Variants in PXDNL observed in about 807,000 individuals in gnomAD.
PXDNL encodes peroxidasin like.
In PXDNL, 145 loss-of-function variants were observed where a neutral mutation model predicts 150.8. The ratio of observed to expected loss-of-function variants is 0.96; its 90% CI spans 0.84 to 1.10. PXDNL has a LOEUF of 1.10. PXDNL is among the 50% of genes least tolerant of loss of function. PXDNL has a pLI of 0.00. For synonymous variants in PXDNL, 757 were observed against 725.7 expected (o/e 1.04, Z -0.69); for missense variants, 2,087 against 1,873.9 (o/e 1.11, Z -2.10).
At chr8:51,400,800 A>T (rs1416562315) in intron 17 of PXDNL, among the ~76,000 whole-genome samples, 1 of 152,218 alleles carries the variant, frequency 6.6e-6, no homozygotes, top group Non-Finnish European at 1.5e-5. Context: ...CCTTTGTACA[A>T]AAGATTATAA....
chr8:51,454,310 A>G (rs1809879157), intron 9 of PXDNL, among the ~76,000 whole-genome samples: 1 of 152,234 alleles, frequency 6.6e-6, no homozygotes, highest in Non-Finnish European at 1.5e-5. Context: ...AAGCAGAAAG[A>G]AGAATATTAT....
intron 1 of PXDNL, among the ~76,000 whole-genome samples, chr8:51,672,193 C>G (rs1242524929): frequency 6.6e-6 from 1 of 152,186 alleles, no homozygotes; most frequent in East Asian, 1.9e-4. Context: ...GTTGGCCAGG[C>G]TGGTCTCGAA....
At chr8:51,718,373 C>T (rs1394576291) in intron 1 of PXDNL, among the ~76,000 whole-genome samples, 8 of 152,026 alleles carry the variant, frequency 5.3e-5, no homozygotes, top group East Asian at 1.9e-4. Context: ...GAATGGGGAG[C>T]GCCAATGTCT....
chr8:51,453,478 G>A, intron 10 of PXDNL, 41 bp downstream of exon 10: 3 of 1,591,634 alleles, frequency 1.9e-6, no homozygotes, highest in Non-Finnish European at 2.6e-6. Flanking sequence ...TTCTGAGTGT[G>A]GCAGGAGGAA....
chr8:51,357,870 G>T (rs1442703354), intron 19 of PXDNL, among the ~76,000 whole-genome samples: 1 of 152,148 alleles, frequency 6.6e-6, no homozygotes, highest in Non-Finnish European at 1.5e-5. Flanking sequence ...CTACTTCTGG[G>T]CATCACACTT....
At chr8:51,716,505 T>C (rs1346070769) in intron 1 of PXDNL, among the ~76,000 whole-genome samples, 1 of 152,192 alleles carries the variant, frequency 6.6e-6, no homozygotes, top group Non-Finnish European at 1.5e-5. Flanking sequence ...ACTGCACTCT[T>C]GCTGTGAAAC....
At chr8:51,799,090 A>T (rs753358797) in intron 1 of PXDNL, among the ~76,000 whole-genome samples, 3 of 152,202 alleles carry the variant, frequency 2.0e-5, no homozygotes, top group Non-Finnish European at 4.4e-5. Context: ...CTTTGCAGGG[A>T]CATGGATGGA....
chr8:51,341,008 G>T (rs2130683599), intron 20 of PXDNL, among the ~76,000 whole-genome samples: 1 of 152,354 alleles, frequency 6.6e-6, no homozygotes, highest in South Asian at 2.1e-4. Context: ...GGAACACGGG[G>T]AAGTGGCTGA....
At chr8:51,329,210 C>A (rs765326381) in intron 21 of PXDNL, among the ~76,000 whole-genome samples, 28 of 152,198 alleles carry the variant, frequency 1.8e-4, no homozygotes, top group Non-Finnish European at 3.7e-4. Flanking sequence ...CACACCTGAC[C>A]AGCACATCAA....
intron 21 of PXDNL, among the ~76,000 whole-genome samples, chr8:51,332,919 G>A (rs1805731200): frequency 6.6e-6 from 1 of 152,194 alleles, no homozygotes; most frequent in African/African-American, 2.4e-5. Context: ...ATGTTTGGGG[G>A]AATAATCGAG....
chr8:51,769,456 T>C (rs1279159768), intron 1 of PXDNL, among the ~76,000 whole-genome samples: 1 of 152,236 alleles, frequency 6.6e-6, no homozygotes, highest in African/African-American at 2.4e-5. Flanking sequence ...TTAGCTTGTT[T>C]TCCACTTCTG....
At chr8:51,636,814 T>C (rs75090475) in intron 2 of PXDNL, among the ~76,000 whole-genome samples, 13 of 149,920 alleles carry the variant, frequency 8.7e-5, no homozygotes, top group African/African-American at 2.0e-4. Flanking sequence ...TTTTTTTTTT[T>C]CTGCAGAAGT....
chr8:51,648,157 C>A (rs981246580), intron 2 of PXDNL, among the ~76,000 whole-genome samples: 1 of 152,128 alleles, frequency 6.6e-6, no homozygotes, highest in Non-Finnish European at 1.5e-5. Context: ...TTACTACCAC[C>A]GCCAATCATA....
At chr8:51,788,291 T>C (rs2037478896) in intron 1 of PXDNL, among the ~76,000 whole-genome samples, 1 of 152,202 alleles carries the variant, frequency 6.6e-6, no homozygotes, top group Non-Finnish European at 1.5e-5. Flanking sequence ...ATTCCTCCTC[T>C]GGAGCTAGGA....
chr8:51,499,694 C>T lies in PXDNL; in HGVS notation c.452+5G>A. 6.2e-7 allele frequency: 1 copy of T among 1,607,036 alleles called. No individual in the cohort carries two copies. Among genetic ancestry groups the T allele is most frequent in the Non-Finnish European group, 8.5e-7 (1 of 1,173,634 alleles). ...GCAAAGGACATCTAAAGGGTCAACA[C>T]TTACAGTCGCTCTAATCTCAGAAGG... On this transcript the variant is annotated splice_donor_5th_base_variant and intron_variant, in intron 5 of 22. Transcript: ENST00000356297.
At chr8:51,653,499 G>A (rs1444047359) in intron 2 of PXDNL, among the ~76,000 whole-genome samples, 4 of 152,180 alleles carry the variant, frequency 2.6e-5, no homozygotes. Context: ...GGGGAAGAGG[G>A]CTAGGAATTT....
chr8:51,491,074 C>A (rs1810881584), intron 5 of PXDNL, among the ~76,000 whole-genome samples: 1 of 152,108 alleles, frequency 6.6e-6, no homozygotes, highest in Admixed American at 6.5e-5. Context: ...CGTAAAAAGA[C>A]TAGACTGGCT....
At chr8:51,702,009 A>G (rs1321236700) in intron 1 of PXDNL, among the ~76,000 whole-genome samples, 1 of 152,242 alleles carries the variant, frequency 6.6e-6, no homozygotes, top group South Asian at 2.1e-4. Flanking sequence ...AAAACACTGT[A>G]TTAATTAAAA....
intron 3 of PXDNL, among the ~76,000 whole-genome samples, chr8:51,585,885 ATG>A (rs112593716): frequency 0.051 from 7,748 of 152,050 alleles, 459 homozygotes; most frequent in African/African-American, 0.15. Context: ...CCAGATAGAT[ATG>A]GCCCCTTTTC....
Sources: gnomAD v4.1 joint callset for allele counts (sites outside exome capture counted in the v4.1 genomes callset) on GRCh38, gnomAD v4.1.1 for gene constraint, MANE v1.5 for transcripts, NCBI Gene and HGNC (gene_info 2026-07-23, HGNC 2026-07-21) for gene names.